The following IL16 variants were observed in gnomAD, a reference collection of about 807,000 sequenced individuals.
The protein encoded by IL16 is pro-interleukin-16.
Under a neutral mutation model 110.1 loss-of-function variants are expected in IL16, and 67 were observed. That is an observed-to-expected ratio of 0.61 (90% CI 0.50 to 0.75). IL16 has a LOEUF of 0.75. IL16 is among the 30% of genes least tolerant of loss of function. The pLI is 0.00. For missense variants in IL16, 1,545 were observed against 1,655.0 expected (o/e 0.93, Z 1.15); for synonymous variants, 689 against 662.9 (o/e 1.04, Z -0.61).
rs773745613 is a variant in IL16 at position 81,312,616 on chromosome 15, G to A, written c.*3818G>A. ...CCGAGGACATGAAACTCCACCTTGC[G>A]GGGATAAAGAGAGAAAAACAAATTC... On this transcript the variant is annotated 3_prime_UTR_variant, in exon 19 of 19. Transcript: ENST00000683961. 2.0e-5 allele frequency: 3 copies of A among 152,308 alleles called. No individual in the cohort carries two copies. The highest frequency in any genetic ancestry group is 1.9e-4 in the East Asian group (1 of 5,182). The allele number at this position is 152,308 out of a possible 1,614,324, so 9.4% of individuals were successfully genotyped here.
At chr15:81,199,626 C>T (rs891023001) in intron 1 of IL16, among the ~76,000 whole-genome samples, 1 of 152,200 alleles carries the variant, frequency 6.6e-6, no homozygotes, top group East Asian at 1.9e-4. Flanking sequence ...GCAGCTAAGA[C>T]ATGGCTACCT....
At chr15:81,258,773 CTA>C (rs964112431) in intron 2 of IL16, among the ~76,000 whole-genome samples, 4 of 149,788 alleles carry the variant, frequency 2.7e-5, no homozygotes, top group African/African-American at 7.4e-5. Flanking sequence ...CTCTCTCTCT[CTA>C]TATATATATA....
intron 2 of IL16, among the ~76,000 whole-genome samples, chr15:81,230,441 T>C (rs1468318369): frequency 1.3e-5 from 2 of 152,226 alleles, no homozygotes; most frequent in Non-Finnish European, 2.9e-5. Flanking sequence ...TTTCTCTTTC[T>C]TCAGACATTG....
At chr15:81,219,011 G>A (rs897751074) in intron 1 of IL16, among the ~76,000 whole-genome samples, 3 of 151,602 alleles carry the variant, frequency 2.0e-5, no homozygotes, top group Non-Finnish European at 4.4e-5. Context: ...TAGCCTTCAC[G>A]GTCGTTAGCA....
In IL16 at chr15:81,303,561, A is replaced by G; in HGVS notation, c.3331A>G (p.Ile1111Val). ...DEATLKQLDG[I>V]HVTILHKEEG... ...ATTTCCTCTGCAGCAATTAGACGGCATCCATGTCACCATCTTACACAAGGA... is the reference window on the plus strand; with the variant it reads ...ATTTCCTCTGCAGCAATTAGACGGCGTCCATGTCACCATCTTACACAAGGA... The change falls in exon 16 of 19, where the codon ATC (isoleucine) becomes GTC (valine). Residue 1111 changes from isoleucine (I) to valine (V), a missense_variant. Physicochemically the swap from Ile to Val is conservative, Grantham distance 29. Coordinates refer to ENST00000683961, the MANE Select transcript of IL16 (RefSeq NM_172217.5). The surrounding 1 kb of genome is among the most constrained non-coding windows in gnomAD (Gnocchi z 4.1). 6.2e-7 allele frequency: 1 copy of G among 1,611,594 alleles called. No individual in the cohort carries two copies. Among genetic ancestry groups the G allele is most frequent in the South Asian group, 1.1e-5 (1 of 91,034 alleles).
Position 81,292,810 on chromosome 15 carries a change from T to C in IL16, c.1675T>C (p.Ser559Pro). 1 of 1,613,876 alleles carries C rather than the reference T, an allele frequency of 6.2e-7. No homozygotes were observed. The highest frequency in any genetic ancestry group is 8.5e-7 in the Non-Finnish European group (1 of 1,179,980). ...AREPVVLSIA[S>P]SRLPQESPPL... is the part of the protein sequence containing the mutation. ...GGAGCCAGTGGTGCTTTCTATAGCA[T>C]CCTCCAGGCTGCCCCAGGAGAGCCC... Residue 559 changes from serine to proline, a missense_variant, in exon 12 of 19, where the codon TCC (serine) becomes CCC (proline). Around this residue, in one of 3 missense-constraint regions of IL16, gnomAD observed 1,185 missense variants for 1,238.8 expected, o/e 0.96. Coordinates refer to ENST00000683961, the MANE Select transcript of IL16 (RefSeq NM_172217.5).
chr15:81,202,740 T>C (rs1471688289), intron 1 of IL16, among the ~76,000 whole-genome samples: 2 of 152,190 alleles, frequency 1.3e-5, no homozygotes, highest in Non-Finnish European at 2.9e-5. Flanking sequence ...GACATTTAGG[T>C]TGGTTCCAAG....
intron 1 of IL16, among the ~76,000 whole-genome samples, chr15:81,218,364 A>G (rs1006141031): frequency 6.6e-6 from 1 of 152,198 alleles, no homozygotes; most frequent in Non-Finnish European, 1.5e-5. Flanking sequence ...TTGAACGAAT[A>G]TAGAAACAAA....
At chr15:81,191,220 G>A (rs1035983868) in intron 1 of IL16, among the ~76,000 whole-genome samples, 3 of 152,224 alleles carry the variant, frequency 2.0e-5, no homozygotes, top group Admixed American at 6.5e-5. Flanking sequence ...GGTCATGAAT[G>A]CTCTTGGAAC....
intron 2 of IL16, among the ~76,000 whole-genome samples, chr15:81,232,810 C>T (rs1357422147): frequency 1.3e-5 from 2 of 152,112 alleles, no homozygotes; most frequent in Non-Finnish European, 2.9e-5. Context: ...AGAGAGATAA[C>T]CTAAAACTTT....
intron 2 of IL16, among the ~76,000 whole-genome samples, chr15:81,239,416 T>G (rs866687805): frequency 2.8e-4 from 43 of 152,320 alleles, no homozygotes; most frequent in African/African-American, 1.0e-3. Context: ...TTCTGTCTAC[T>G]GGGGTGAAAA....
intron 3 of IL16, among the ~76,000 whole-genome samples, 193 bp downstream of exon 3, chr15:81,260,073 C>T (rs1198123233): frequency 2.0e-5 from 3 of 152,168 alleles, no homozygotes; most frequent in Non-Finnish European, 4.4e-5. Context: ...CTCATGGCTC[C>T]AAGTGCCATG....
At chr15:81,243,108 T>C (rs1233712627) in intron 2 of IL16, among the ~76,000 whole-genome samples, 1 of 141,468 alleles carries the variant, frequency 7.1e-6, no homozygotes, top group Non-Finnish European at 1.5e-5. Flanking sequence ...ATGAATTCAA[T>C]TTGCTAACAT....
intron 10 of IL16, among the ~76,000 whole-genome samples, chr15:81,288,297 C>T (rs943818098): frequency 2.0e-5 from 3 of 152,198 alleles, no homozygotes; most frequent in African/African-American, 7.2e-5. Flanking sequence ...CTCATCTAAC[C>T]TCCAAGAGCC....
Position 81,269,546 on chromosome 15 carries a change from G to A in IL16, c.573G>A (p.Ser191=), listed in dbSNP as rs371547660. 4.1e-5 allele frequency: 66 copies of A among 1,613,480 alleles called. No individual in the cohort carries two copies. The highest frequency in any genetic ancestry group is 6.7e-5 in the East Asian group (3 of 44,894). Residue 191 remains serine, a synonymous_variant, in exon 5 of 19, where the codon TCG becomes TCA. Coordinates refer to ENST00000683961, the MANE Select transcript of IL16 (RefSeq NM_172217.5). The stretch of plus-strand genomic sequence containing the variant: ...CTGGTTCCTTGTTGCAGGGAACTTC[G>A]AGACCAACACGGTCCCTGAGCACAG... ...DCPAGKAAGT[S]RPTRSLSTAQ... is the part of the protein sequence containing the mutation.
At chr15:81,191,776 A>AGGG in intron 1 of IL16, among the ~76,000 whole-genome samples, 1 of 152,342 alleles carries the variant, frequency 6.6e-6, no homozygotes, top group Non-Finnish European at 1.5e-5. Context: ...GAAAACAGCT[A>AGGG]GGGCAGAAGT....
chr15:81,293,722 C>A (rs17875486), intron 12 of IL16, among the ~76,000 whole-genome samples: 1 of 152,024 alleles, frequency 6.6e-6, no homozygotes, highest in Non-Finnish European at 1.5e-5. Context: ...CATTCATTGC[C>A]ATGATCTTTC....
intron 12 of IL16, among the ~76,000 whole-genome samples, chr15:81,296,117 C>A (rs1375587257): frequency 1.3e-5 from 2 of 152,206 alleles, no homozygotes; most frequent in Non-Finnish European, 2.9e-5. Context: ...TCTCTGCCTG[C>A]AAAATTCTTA....
At chr15:81,278,724 GC>G in intron 6 of IL16, 92 bp from the exon 7 acceptor site, 1 of 846,886 alleles carries the variant, frequency 1.2e-6, no homozygotes, top group African/African-American at 1.7e-5. Context: ...CATACAAAAA[GC>G]CGGGCAGTTG....
Sources: allele counts gnomAD v4.1 joint callset (sites outside exome capture counted in the v4.1 genomes callset), GRCh38; gene constraint gnomAD v4.1.1; regional missense constraint gnomAD v4.1.1; non-coding constraint Gnocchi (gnomAD v3.1); transcripts MANE v1.5; gene names NCBI Gene and HGNC (gene_info 2026-07-23, HGNC 2026-07-21).